Variants in SIPA1L1 observed in about 807,000 individuals in gnomAD.
SIPA1L1 encodes the protein signal induced proliferation associated 1 like 1.
SIPA1L1 carries 26 observed loss-of-function variants against 162.7 expected under a neutral mutation model. The observed-to-expected ratio is 0.16, with a 90% CI of 0.12 to 0.22. The LOEUF is 0.22. Among genes scored for constraint, SIPA1L1 ranks in the 10% least tolerant of loss-of-function variants. The probability of loss-of-function intolerance (pLI) is 1.00; values close to 1 mark genes in which losing one functional copy is unlikely to be tolerated. For synonymous variants in SIPA1L1, 829 were observed against 837.4 expected (o/e 0.99, Z 0.17); for missense variants, 1,874 against 2,241.0 (o/e 0.84, Z 3.31).
chr14:71,671,166 T>C lies in SIPA1L1; in HGVS notation c.2303T>C (p.Ile768Thr). Residue 768 changes from isoleucine to threonine, a missense_variant, in exon 11 of 24, where the codon ATT becomes ACT. This residue lies in a region of SIPA1L1 where 243 missense variants were observed against 315.0 expected (regional missense o/e 0.77). Coordinates refer to ENST00000381232, the MANE Select transcript of SIPA1L1 (RefSeq NM_001386936.1). ...SRDVPSFGPP[I>T]PKGVTFPKSN... ...GATGTGCCTTCCTTTGGGCCTCCCA[T>C]TCCTAAAGGGGTCACTTTCCCTAAG... 1.2e-6 allele frequency: 2 copies of C among 1,613,722 alleles called. No individual in the cohort carries two copies. The highest frequency in any genetic ancestry group is 1.7e-4 in the Middle Eastern group (1 of 6,058).
At position 71,395,064 on chromosome 14, in the gene SIPA1L1, G is replaced by A. The variant is rs556840032; in HGVS notation, c.-465+73883G>A. On this transcript the variant is annotated intron_variant, in intron 2 of 23. Coordinates refer to ENST00000381232, the MANE Select transcript of SIPA1L1 (RefSeq NM_001386936.1). ...AATGTGCAGTTATTTTGGTCTCTTA[G>A]TTTGGAGAGGGCCCTTAGGAAATTT... 3.3e-5 allele frequency among the ~76,000 whole-genome samples: 5 copies of A among 152,266 alleles called. No individual in the cohort carries two copies. In the South Asian group the frequency reaches 1.0e-3, roughly 32 times the overall value.
chr14:71,493,569 A>G (rs976931087), intron 2 of SIPA1L1, among the ~76,000 whole-genome samples: 1 of 152,228 alleles, frequency 6.6e-6, no homozygotes. Flanking sequence ...ATAATGTTGA[A>G]CAACAAAAAA....
At chr14:71,603,415 G>A (rs527823282) in intron 5 of SIPA1L1, among the ~76,000 whole-genome samples, 7 of 151,612 alleles carry the variant, frequency 4.6e-5, no homozygotes, top group South Asian at 2.1e-4. Flanking sequence ...TTTATATATC[G>A]GTTTCTTTCT....
intron 2 of SIPA1L1, among the ~76,000 whole-genome samples, chr14:71,364,811 T>A (rs989483716): frequency 2.0e-5 from 3 of 152,096 alleles, no homozygotes; most frequent in Admixed American, 1.3e-4. Flanking sequence ...AGTAGTGCGA[T>A]CTTGGCTCAC....
rs926864904 is a variant in SIPA1L1, at chr14:71,544,014, T to C, written c.-303+14644T>C. Among the ~76,000 whole-genome samples, 34 of 148,300 alleles carry C rather than the reference T, an allele frequency of 2.3e-4. 1 individual carries two copies. Among genetic ancestry groups the C allele is most frequent in the Admixed American group, 6.7e-4 (10 of 14,970 alleles). ...ATATACACACACGCACATGTATATA[T>C]ACACATACGCACATGTATGTATATA... On this transcript the variant is annotated intron_variant, in intron 4 of 23. Transcript: ENST00000381232.
chr14:71,435,053 A>G (rs1245198094), intron 2 of SIPA1L1, among the ~76,000 whole-genome samples: 2 of 152,168 alleles, frequency 1.3e-5, no homozygotes, highest in African/African-American at 4.8e-5. Flanking sequence ...GCTTGCAAGT[A>G]TGCAGTTTAT....
At position 71,723,526 on chromosome 14, in the gene SIPA1L1, T is replaced by A. The variant is rs2083937733; in HGVS notation, c.4209-121T>A. 3.6e-6 allele frequency: 4 copies of A among 1,111,416 alleles called. No individual in the cohort carries two copies. The Admixed American group carries it at 8.5e-5, about 23-fold the overall frequency. The allele number at this position is 1,111,416 out of a possible 1,614,324, so 68.8% of individuals were successfully genotyped here. On this transcript the variant is annotated intron_variant, in intron 17 of 23. Coordinates refer to ENST00000381232, the MANE Select transcript of SIPA1L1 (RefSeq NM_001386936.1). ...CAGGAAGGCCAGCCAGGCATCGCTG[T>A]TAATAGTTCATGAAAAATTCACTGT... is the stretch of plus-strand genomic sequence containing the variant.
intron 3 of SIPA1L1, among the ~76,000 whole-genome samples, chr14:71,526,820 T>C (rs2052927111): frequency 6.6e-6 from 1 of 152,224 alleles, no homozygotes; most frequent in Admixed American, 6.5e-5. Context: ...CAGCTAACAC[T>C]TATTGGAAAA....
chr14:71,656,386 T>C (rs892714822), intron 8 of SIPA1L1, among the ~76,000 whole-genome samples: 1 of 152,132 alleles, frequency 6.6e-6, no homozygotes, highest in African/African-American at 2.4e-5. Context: ...TTGAAACACA[T>C]GTATAAGTAC....
intron 4 of SIPA1L1, among the ~76,000 whole-genome samples, chr14:71,564,677 G>A (rs2029972435): frequency 1.3e-5 from 2 of 151,682 alleles, no homozygotes; most frequent in Non-Finnish European, 2.9e-5. Flanking sequence ...TTTTAGTAGA[G>A]ACGGGATTTT....
intron 10 of SIPA1L1, 25 bp from the exon 11 acceptor site, chr14:71,671,094 G>T (rs752211746): frequency 6.5e-7 from 1 of 1,529,444 alleles, no homozygotes; most frequent in South Asian, 1.2e-5. Context: ...TACTGACGTG[G>T]CTCTCTTTGA....
intron 2 of SIPA1L1, among the ~76,000 whole-genome samples, chr14:71,442,585 T>C (rs2044989565): frequency 6.6e-6 from 1 of 152,152 alleles, no homozygotes; most frequent in African/African-American, 2.4e-5. Context: ...ATTAAGTTTT[T>C]TCTGATAGGG....
intron 2 of SIPA1L1, among the ~76,000 whole-genome samples, chr14:71,404,849 A>G (rs1001487865): frequency 1.3e-5 from 2 of 152,228 alleles, no homozygotes; most frequent in Non-Finnish European, 2.9e-5. Context: ...GTTTGAATTT[A>G]GGACGTCTAG....
intron 2 of SIPA1L1, among the ~76,000 whole-genome samples, chr14:71,434,166 G>A (rs919490964): frequency 1.3e-5 from 2 of 152,162 alleles, no homozygotes; most frequent in Non-Finnish European, 2.9e-5. Context: ...TTTCTGTGTG[G>A]TAAATATTTG....
chr14:71,589,039 A>G lies in SIPA1L1; in HGVS notation c.1167A>G (p.Thr389=). Residue 389 remains threonine (T), a synonymous_variant, in exon 5 of 24, where the codon ACA becomes ACG. Coordinates refer to ENST00000381232, the MANE Select transcript of SIPA1L1 (RefSeq NM_001386936.1). ...GTTTTAGCTCCCCAATGGGCAGCACAGAGGACCTGAATTCCAAAGGAAGCC... is the reference window on the plus strand; with the variant it reads ...GTTTTAGCTCCCCAATGGGCAGCACGGAGGACCTGAATTCCAAAGGAAGCC... ...SASFSSPMGS[T]EDLNSKGSLS... 1 of 1,614,152 alleles carries G rather than the reference A, an allele frequency of 6.2e-7. No homozygotes were observed. The highest frequency in any genetic ancestry group is 8.5e-7 in the Non-Finnish European group (1 of 1,179,992).
chr14:71,539,185 C>T (rs1361621910), intron 4 of SIPA1L1, among the ~76,000 whole-genome samples: 1 of 152,184 alleles, frequency 6.6e-6, no homozygotes, highest in Admixed American at 6.5e-5. Flanking sequence ...ACAGTCCTTC[C>T]TGCTCCTTGG....
intron 2 of SIPA1L1, among the ~76,000 whole-genome samples, chr14:71,374,911 T>C (rs1434277183): frequency 6.6e-6 from 1 of 152,198 alleles, no homozygotes; most frequent in East Asian, 1.9e-4. Context: ...GTATTTACAG[T>C]ATTATCATTT....
At chr14:71,561,498 A>G (rs2056788292) in intron 4 of SIPA1L1, among the ~76,000 whole-genome samples, 1 of 152,220 alleles carries the variant, frequency 6.6e-6, no homozygotes, top group Non-Finnish European at 1.5e-5. Context: ...CAATTTCCCC[A>G]GCATTGATTA....
chr14:71,333,977 G>T (rs1302479575), intron 2 of SIPA1L1, among the ~76,000 whole-genome samples: 1 of 152,206 alleles, frequency 6.6e-6, no homozygotes, highest in Admixed American at 6.5e-5. Flanking sequence ...GTGTGACAAA[G>T]AGTATACTCA....
Sources: allele counts gnomAD v4.1 joint callset (sites outside exome capture counted in the v4.1 genomes callset), GRCh38; gene constraint gnomAD v4.1.1; regional missense constraint gnomAD v4.1.1; transcripts MANE v1.5; gene names NCBI Gene and HGNC (gene_info 2026-07-23, HGNC 2026-07-21).